USP22: variants seen among roughly 807,000 people sequenced by gnomAD.
USP22 encodes ubiquitin carboxyl-terminal hydrolase 22.
USP22 carries 22 observed loss-of-function variants against 68.1 expected under a neutral mutation model. The observed-to-expected ratio is 0.32, with a 90% CI of 0.23 to 0.46. The LOEUF (loss-of-function observed/expected upper bound fraction) is 0.46. Among genes scored for constraint, USP22 ranks in the 20% least tolerant of loss-of-function variants. The pLI is 1.00. For synonymous variants in USP22, 279 were observed against 274.2 expected (o/e 1.02, Z -0.17); for missense variants, 433 against 695.8 (o/e 0.62, Z 4.25).
intron 9 of USP22, among the ~76,000 whole-genome samples, chr17:21,007,310 T>C (rs757514917): frequency 3.3e-5 from 5 of 152,104 alleles, no homozygotes; most frequent in South Asian, 2.1e-4. Flanking sequence ...AATGAACAAA[T>C]TGTTCCTTTC....
intron 11 of USP22, among the ~76,000 whole-genome samples, chr17:21,004,554 C>T (rs771115181): frequency 2.6e-5 from 4 of 152,162 alleles, no homozygotes; most frequent in Admixed American, 6.5e-5. Context: ...CGGGTCCAGG[C>T]GCTTCCTGGA....
At position 21,030,621 on chromosome 17, in the gene USP22, C is replaced by T. The variant is rs1027581580; in HGVS notation, c.172-1947G>A. Among the ~76,000 whole-genome samples, 14 of 152,288 alleles carry T rather than the reference C, an allele frequency of 9.2e-5. No individual in the cohort carries two copies. In the East Asian group the frequency reaches 1.2e-3, roughly 13 times the overall value. On this transcript the variant is annotated intron_variant, in intron 1 of 12. Coordinates refer to ENST00000261497, the MANE Select transcript of USP22 (RefSeq NM_015276.2). Reference sequence around the variant, plus strand: ...CGCCTGTGGCGTGCTCAGACCAACACGACCCATCTGGAACCTGCTCCTGAG... The same window carrying T: ...CGCCTGTGGCGTGCTCAGACCAACATGACCCATCTGGAACCTGCTCCTGAG...
intron 2 of USP22, among the ~76,000 whole-genome samples, chr17:21,022,545 A>C (rs1972169539): frequency 6.6e-6 from 1 of 152,180 alleles, no homozygotes; most frequent in African/African-American, 2.4e-5. Flanking sequence ...CACGCCTGTA[A>C]TCCCAGCACT....
chr17:21,004,425 C>G (rs1210132715), intron 11 of USP22, 74 bp from the exon 12 acceptor site: 4 of 1,565,372 alleles, frequency 2.6e-6, no homozygotes, highest in Non-Finnish European at 3.5e-6. Context: ...CCATCAGAAA[C>G]CAGGCAGCCC....
chr17:21,006,312 CG>C (rs1399788688), intron 10 of USP22, among the ~76,000 whole-genome samples: 1 of 152,170 alleles, frequency 6.6e-6, no homozygotes, highest in Non-Finnish European at 1.5e-5. Context: ...ATCTGTTCCA[CG>C]AACTAAAATG....
intron 9 of USP22, 33 bp downstream of exon 9, chr17:21,007,837 C>T: frequency 2.5e-6 from 4 of 1,613,956 alleles, no homozygotes; most frequent in Non-Finnish European, 3.4e-6. Flanking sequence ...AAAACTAAGT[C>T]TGCCATTAGA....
chr17:21,042,040 C>A (rs916663242), intron 1 of USP22, among the ~76,000 whole-genome samples: 13 of 152,250 alleles, frequency 8.5e-5, no homozygotes, highest in African/African-American at 2.9e-4. Context: ...CCGCGCCCCC[C>A]AGCCCGCCTC....
At chr17:21,030,590 T>C (rs1024299125) in intron 1 of USP22, among the ~76,000 whole-genome samples, 2 of 152,196 alleles carry the variant, frequency 1.3e-5, no homozygotes, top group Admixed American at 6.5e-5. Context: ...GAGAACAACA[T>C]GGCGGCGCCT....
rs56665164 is a variant in USP22 at position 21,009,091 on chromosome 17, CAAAAAAAAAAAAA to C, written c.1104-1108_1104-1096del. Among the ~76,000 whole-genome samples, 6 of 91,916 alleles carry C rather than the reference CAAAAAAAAAAAAA, an allele frequency of 6.5e-5. 1 individual carries two copies. Among genetic ancestry groups the C allele is most frequent in the African/African-American group, 2.6e-4 (6 of 23,278 alleles). 60.3% of individuals were successfully genotyped at this position (91,916 alleles called of 152,430 possible). ...GGGCAACAAGAGCAAGACTCCATTT[CAAAAAAAAAAAAA>C]AAAAAAAAAAAAGGCAAGAGGACTG... On this transcript the variant is annotated intron_variant, in intron 8 of 12. Coordinates refer to ENST00000261497, the MANE Select transcript of USP22 (RefSeq NM_015276.2).
At chr17:21,039,361 TGA>T (rs1249730663) in intron 1 of USP22, among the ~76,000 whole-genome samples, 1 of 151,418 alleles carries the variant, frequency 6.6e-6, no homozygotes, top group Non-Finnish European at 1.5e-5. Context: ...GCGGATCACC[TGA>T]GGTTGGGAGT....
Position 21,036,045 on chromosome 17 carries a change from A to AAAAAAAAAAAAG in USP22, c.171+6619_171+6620insCTTTTTTTTTTT, listed in dbSNP as rs1567593858. Among the ~76,000 whole-genome samples, 80 of 151,012 alleles carry AAAAAAAAAAAAG rather than the reference A, an allele frequency of 5.3e-4. 3 individuals carry two copies. Among genetic ancestry groups the AAAAAAAAAAAAG allele is most frequent in the African/African-American group, 1.8e-3 (75 of 40,820 alleles). On this transcript the variant is annotated intron_variant, in intron 1 of 12. Transcript: ENST00000261497. ...GACTCCGTCTCAAAAAAAAAAAAAA[A>AAAAAAAAAAAAG]AAAAAAAAAAGGAATGAACTTTCAA...
In USP22 at chr17:21,012,567, G is replaced by A. The variant is rs548953522; in HGVS notation, c.944+263C>T. On this transcript the variant is annotated intron_variant, in intron 7 of 12. Coordinates refer to ENST00000261497, the MANE Select transcript of USP22 (RefSeq NM_015276.2). ...TGTAAGATGCAAAATGGTAGGGGAAGCTTCCAAGAACACACTGCTGGCTGT... is the reference window on the plus strand; with the variant it reads ...TGTAAGATGCAAAATGGTAGGGGAAACTTCCAAGAACACACTGCTGGCTGT... 6.6e-4 allele frequency among the ~76,000 whole-genome samples: 101 copies of A among 152,204 alleles called. 1 individual carries two copies. The highest frequency in any genetic ancestry group is 5.9e-5 in the Non-Finnish European group (4 of 68,022).
intron 3 of USP22, among the ~76,000 whole-genome samples, chr17:21,020,702 T>C (rs73303665): frequency 6.6e-6 from 1 of 152,244 alleles, no homozygotes; most frequent in Non-Finnish European, 1.5e-5. Context: ...TCGGCAGAGC[T>C]GAGGGCAAAC....
rs993622692 is a variant in USP22, at chr17:21,002,605, C to T, written c.*426G>A. On this transcript the variant is annotated 3_prime_UTR_variant, in exon 13 of 13. Transcript: ENST00000261497. ...AAGGCATCTGCAAGGCCCTCTGTCC[C>T]GCACACTACACCTCTGTGTCCAGCT... 7 of 215,792 alleles carry T rather than the reference C, an allele frequency of 3.2e-5. 1 individual carries two copies. Among genetic ancestry groups the T allele is most frequent in the Admixed American group, 5.2e-5 (1 of 19,056 alleles). 13.4% of individuals were successfully genotyped at this position (215,792 alleles called of 1,614,324 possible).
rs754770487 is a variant in USP22 at position 21,028,441 on chromosome 17, G to A, written c.304+101C>T. On this transcript the variant is annotated intron_variant, in intron 2 of 12. Coordinates refer to ENST00000261497, the MANE Select transcript of USP22 (RefSeq NM_015276.2). ...GGGGCACGCATTACTTGAGACAAAC[G>A]ACAAAGTGGACTTTTGGAAGAGTGG... 8.7e-4 allele frequency: 1,338 copies of A among 1,538,630 alleles called. 1 individual carries two copies. The highest frequency in any genetic ancestry group is 1.0e-3 in the Non-Finnish European group (1,187 of 1,139,494).
chr17:21,003,217 G>A (rs1028741545), intron 12 of USP22, 144 bp from the exon 13 acceptor site: 12 of 936,952 alleles, frequency 1.3e-5, no homozygotes, highest in Admixed American at 4.0e-5. Context: ...TTTTTAGTCC[G>A]CAAGGAGGAA....
upstream of USP22, chr17:21,043,035 G>C (rs1972464367): frequency 3.4e-6 from 1 of 291,740 alleles, no homozygotes. Context: ...CCGAGCTGCG[G>C]CTGCTGCGGA....
chr17:21,019,269 G>T, intron 3 of USP22, 84 bp from the exon 4 acceptor site: 1 of 1,379,670 alleles, frequency 7.2e-7, no homozygotes, highest in Non-Finnish European at 1.0e-6. Context: ...GTGGCGCTAT[G>T]CTGTCTGTCA....
chr17:21,040,369 G>GGGAA (rs2078135557), intron 1 of USP22, among the ~76,000 whole-genome samples: 1 of 152,142 alleles, frequency 6.6e-6, no homozygotes, highest in Non-Finnish European at 1.5e-5. Context: ...AAGTGATACA[G>GGGAA]GTAAATAAGT....
Sources: allele counts gnomAD v4.1 joint callset (sites outside exome capture counted in the v4.1 genomes callset), GRCh38; gene constraint gnomAD v4.1.1; transcripts MANE v1.5; gene names NCBI Gene and HGNC (gene_info 2026-07-23, HGNC 2026-07-21).